The following NPDC1 variants were observed in gnomAD, a reference collection of about 807,000 sequenced individuals.
The protein encoded by NPDC1 is neural proliferation differentiation and control protein 1.
Under a neutral mutation model 32.5 loss-of-function variants are expected in NPDC1, and 18 were observed. The ratio of observed to expected loss-of-function variants is 0.55; its 90% CI spans 0.38 to 0.82. The LOEUF is 0.82. Ranked by LOEUF, NPDC1 falls within the 40% of genes least tolerant of loss-of-function variation. The pLI is 0.00. For missense variants in NPDC1, 468 were observed against 406.6 expected, an observed-to-expected ratio of 1.15 and a Z score of -1.30; for synonymous variants, 210 against 184.7, an observed-to-expected ratio of 1.14 and a Z score of -1.11.
At chr9:137,041,359 G>A (rs528399488) in intron 2 of NPDC1, among the ~76,000 whole-genome samples, 172 bp from the exon 3 acceptor site, 38 of 152,320 alleles carry the variant, frequency 2.5e-4, no homozygotes, top group African/African-American at 7.9e-4. Flanking sequence ...TCCTGTGAGG[G>A]GCAGTGCTTC....
rs1414581075 is a variant in NPDC1, at chr9:137,041,199, G to A, written c.260-12C>T. 1.4e-6 allele frequency: 2 copies of A among 1,428,218 alleles called. No homozygotes were observed. Among genetic ancestry groups the A allele is most frequent in the Non-Finnish European group, 1.8e-6 (2 of 1,089,666 alleles). 88.5% of individuals were successfully genotyped at this position (1,428,218 alleles called of 1,614,324 possible). ...GGGCCGGCCCCCGCCTGGGGAGGGT[G>A]AGGGGCCATCAGGTGGAGGGGTCCG... On this transcript the variant is annotated splice_polypyrimidine_tract_variant and intron_variant, in intron 2 of 8. Coordinates refer to ENST00000371601, the MANE Select transcript of NPDC1 (RefSeq NM_015392.4).
chr9:137,040,539 C>G lies in NPDC1; in HGVS notation c.683G>C (p.Gly228Ala), dbSNP rs1249386531. The G allele has an allele frequency of 6.3e-7, 1 of 1,589,618 alleles. No individual in the cohort carries two copies. Among genetic ancestry groups the G allele is most frequent in the Non-Finnish European group, 8.5e-7 (1 of 1,173,640 alleles). ...KADYATAKAP[G>A]SPAAPRISPG... The stretch of plus-strand genomic sequence containing the variant: ...CGAGATCCGGGGAGCTGCAGGTGAG[C>G]CAGGGGCCTTCGCAGTGGCGTAGTC... Residue 228 changes from glycine (G) to alanine (A), a missense_variant, in exon 6 of 9, where the codon GGC becomes GCC. Gly to Ala is a moderately conservative substitution (Grantham distance 60). Transcript: ENST00000371601.
chr9:137,041,429 C>T (rs1346670161), intron 2 of NPDC1, among the ~76,000 whole-genome samples: 1 of 152,142 alleles, frequency 6.6e-6, no homozygotes, highest in Admixed American at 6.5e-5. Flanking sequence ...AGACCGGGCA[C>T]GGGGAGGAAG....
At chr9:137,043,502 G>A (rs984954107) in intron 1 of NPDC1, 13 of 610,262 alleles carry the variant, frequency 2.1e-5, no homozygotes, top group East Asian at 8.3e-5. Context: ...AGCAGCAAAC[G>A]ATGCCGCCAG....
chr9:137,041,179 G>T lies in NPDC1; in HGVS notation c.268C>A (p.Arg90=), dbSNP rs945849732. 4 of 1,442,274 alleles carry T rather than the reference G, an allele frequency of 2.8e-6. No homozygotes were observed. The highest frequency in any genetic ancestry group is 2.9e-5 in the African/African-American group (2 of 69,348). 89.3% of individuals were successfully genotyped at this position (1,442,274 alleles called of 1,614,324 possible). Residue 90 remains arginine (R), a synonymous_variant, in exon 3 of 9, where the codon CGG becomes AGG. Coordinates refer to ENST00000371601, the MANE Select transcript of NPDC1 (RefSeq NM_015392.4). ...TCATCTTCCAGTCTGGGCTGGGGCC[G>T]GCCCCCGCCTGGGGAGGGTGAGGGG... The part of the protein sequence containing the change: ...PRMRRPPGGG[R]PQPRLEDEID...
At chr9:137,042,594 G>A (rs1298674164) in intron 2 of NPDC1, among the ~76,000 whole-genome samples, 3 of 111,712 alleles carry the variant, frequency 2.7e-5, no homozygotes, top group African/African-American at 3.6e-5. Flanking sequence ...ACAGAGTCTC[G>A]CACTGTCGCC....
rs370900522 is a variant in NPDC1, at chr9:137,040,454, C to A, written c.709-18G>T. The A allele has an allele frequency of 1.3e-6, 2 of 1,559,718 alleles. No homozygotes were observed. Among genetic ancestry groups the A allele is most frequent in the African/African-American group, 2.7e-5 (2 of 73,338 alleles). ...TCCCCAGGCTGTGGGAAGGAGGAGG[C>A]GAGGGTCAGTTGGCGGCCAGAGTTG... On this transcript the variant is annotated intron_variant, in intron 6 of 8. Coordinates refer to ENST00000371601, the MANE Select transcript of NPDC1 (RefSeq NM_015392.4).
intron 1 of NPDC1, chr9:137,043,329 G>C (rs1306750415): frequency 1.4e-6 from 1 of 717,606 alleles, no homozygotes; most frequent in Non-Finnish European, 2.6e-6. Flanking sequence ...AGAGCCCTCA[G>C]CTCAGAAGCT....
intron 7 of NPDC1, 44 bp downstream of exon 7, chr9:137,040,313 G>C: frequency 6.7e-7 from 1 of 1,495,938 alleles, no homozygotes; most frequent in Non-Finnish European, 9.0e-7. Context: ...GGTGGGGATG[G>C]GGGGTGGGTG....
At position 137,046,069 on chromosome 9, in the gene NPDC1, A is replaced by G. The variant is rs1452818389; in HGVS notation, c.-80T>C. 1.8e-6 allele frequency: 2 copies of G among 1,114,336 alleles called. No individual in the cohort carries two copies. The allele number at this position is 1,114,336 out of a possible 1,614,324, so 69.0% of individuals were successfully genotyped here. A position where few individuals can be genotyped will look rare whatever the true frequency, so the allele number is the denominator to read the frequency against. On this transcript the variant is annotated 5_prime_UTR_variant, in exon 1 of 9. Transcript: ENST00000371601. ...GGGCTCCGGGCTCCGCGTCGGGAGCAGCGGAGGCAGCGGGGGAGGACGCAG... is the reference window on the plus strand; with the variant it reads ...GGGCTCCGGGCTCCGCGTCGGGAGCGGCGGAGGCAGCGGGGGAGGACGCAG...
chr9:137,040,250 G>T, intron 7 of NPDC1, 107 bp downstream of exon 7: 2 of 1,066,084 alleles, frequency 1.9e-6, no homozygotes, highest in Middle Eastern at 2.9e-4. Flanking sequence ...GTGCAGGTGA[G>T]GGTGGCAGGG....
rs1389577496 is a variant in NPDC1 at position 137,041,273 on chromosome 9, CCCAGG to C, written c.260-91_260-87del. On this transcript the variant is annotated intron_variant, in intron 2 of 8. Coordinates refer to ENST00000371601, the MANE Select transcript of NPDC1 (RefSeq NM_015392.4). ...GCCTCCCCGCTTCTGGCAGGTTCCT[CCCAGG>C]AGCCTGAGGACTGGGTACACGCCTG... 4 of 1,312,702 alleles carry C rather than the reference CCCAGG, an allele frequency of 3.0e-6. No homozygotes were observed. In the African/African-American group the frequency reaches 6.1e-5, roughly 20 times the overall value. The allele number at this position is 1,312,702 out of a possible 1,614,324, so 81.3% of individuals were successfully genotyped here. A position where few individuals can be genotyped will look rare whatever the true frequency, so the allele number is the denominator to read the frequency against.
At chr9:137,041,371 CG>C (rs1554743418) in intron 2 of NPDC1, among the ~76,000 whole-genome samples, 184 bp from the exon 3 acceptor site, 3 of 152,146 alleles carry the variant, frequency 2.0e-5, no homozygotes, top group Non-Finnish European at 2.9e-5. Context: ...CAGTGCTTCC[CG>C]GAAAGTGGAG....
At position 137,039,474 on chromosome 9, in the gene NPDC1, A is replaced by T; in HGVS notation, c.*298T>A. 1 of 331,520 alleles carries T rather than the reference A, an allele frequency of 3.0e-6. No individual in the cohort carries two copies. 20.5% of individuals were successfully genotyped at this position (331,520 alleles called of 1,614,324 possible). ...AACACAGGCAGAAGCCGCAGGTCTG[A>T]AATGGACTTTAATTGGCTTTTGTCT... is the stretch of plus-strand genomic sequence containing the variant. On this transcript the variant is annotated 3_prime_UTR_variant, in exon 9 of 9. Transcript: ENST00000371601.
intron 1 of NPDC1, among the ~76,000 whole-genome samples, chr9:137,045,351 C>A (rs898304035): frequency 6.6e-6 from 1 of 152,256 alleles, no homozygotes; most frequent in African/African-American, 2.4e-5. Context: ...GCCATAAGTG[C>A]CCCCAGAACT....
At position 137,040,434 on chromosome 9, in the gene NPDC1, A is replaced by T; in HGVS notation, c.711T>A (p.Pro237=). 6.4e-7 allele frequency: 1 copy of T among 1,554,504 alleles called. No individual in the cohort carries two copies. Among genetic ancestry groups the T allele is most frequent in the Non-Finnish European group, 8.7e-7 (1 of 1,150,378 alleles). ...CGCTCTGTGCCAGCCGCTGGTCCCCAGGCTGTGGGAAGGAGGAGGCGAGGG... is the reference window on the plus strand; with the variant it reads ...CGCTCTGTGCCAGCCGCTGGTCCCCTGGCTGTGGGAAGGAGGAGGCGAGGG... ...PGSPAAPRIS[P]GDQRLAQSAE... The change falls in exon 7 of 9, where the codon CCT becomes CCA. Residue 237 remains proline, a splice_region_variant and synonymous_variant. Transcript: ENST00000371601.
chr9:137,042,894 T>A, intron 2 of NPDC1, 33 bp downstream of exon 2: 1 of 1,565,650 alleles, frequency 6.4e-7, no homozygotes, highest in Non-Finnish European at 8.7e-7. Context: ...TGCAGGGACA[T>A]CCCCCCATCG....
chr9:137,040,698 A>G lies in NPDC1; in HGVS notation c.596T>C (p.Leu199Pro). Residue 199 changes from leucine (L) to proline (P), a missense_variant, in exon 5 of 9, where the codon CTC becomes CCC. By Grantham distance (98) the Leu-to-Pro change is moderately conservative (BLOSUM62 -3). Coordinates refer to ENST00000371601, the MANE Select transcript of NPDC1 (RefSeq NM_015392.4). The part of the protein sequence containing the change: ...LAFCVAGAAA[L>P]SVASLCWCRL... Reference sequence around the variant, plus strand: ...GCACCAGCAGAGGGAGGCTACGGAGAGGGCGGCTGCACCGGCCACACAGAA... The same window carrying G: ...GCACCAGCAGAGGGAGGCTACGGAGGGGGCGGCTGCACCGGCCACACAGAA... 6.3e-7 allele frequency: 1 copy of G among 1,586,436 alleles called. No individual in the cohort carries two copies.
chr9:137,045,210 C>T (rs1282707915), intron 1 of NPDC1, among the ~76,000 whole-genome samples: 6 of 152,240 alleles, frequency 3.9e-5, no homozygotes, highest in South Asian at 2.1e-4. Flanking sequence ...CACCCTCCTC[C>T]GGAGTCCACC....
Sources: allele counts gnomAD v4.1 joint callset (sites outside exome capture counted in the v4.1 genomes callset), GRCh38; gene constraint gnomAD v4.1.1; transcripts MANE v1.5; gene names NCBI Gene and HGNC (gene_info 2026-07-23, HGNC 2026-07-21).